The following KCNIP4 variants were observed in gnomAD, a reference collection of about 807,000 sequenced individuals.
KCNIP4 encodes potassium voltage-gated channel interacting protein 4.
Under a neutral mutation model 34.0 loss-of-function variants are expected in KCNIP4, and 12 were observed. That is an observed-to-expected ratio of 0.35 (90% CI 0.23 to 0.57). The LOEUF is 0.57. Ranked by LOEUF, KCNIP4 falls within the 20% of genes least tolerant of loss-of-function variation. The probability of loss-of-function intolerance (pLI) is 0.83; values close to 1 mark genes in which losing one functional copy is unlikely to be tolerated. For synonymous variants in KCNIP4, 124 were observed against 102.2 expected (o/e 1.21, Z -1.29); for missense variants, 238 against 311.7 (o/e 0.76, Z 1.78).
At chr4:21,304,013 GGGA>G (rs1285974236) in intron 1 of KCNIP4, 115 of 1,239,376 alleles carry the variant, frequency 9.3e-5, no homozygotes, top group Non-Finnish European at 1.1e-4. Flanking sequence ...CTGGAGAAAG[GGGA>G]GGAGGAGAGC....
At chr4:21,329,723 A>C (rs115234367) in intron 1 of KCNIP4, among the ~76,000 whole-genome samples, 2,326 of 152,292 alleles carry the variant, frequency 0.015, 36 homozygotes, top group South Asian at 0.048. Flanking sequence ...CCCAGGCCAA[A>C]AAGAAAGAGC....
At chr4:21,445,590 G>T (rs909430365) in intron 1 of KCNIP4, among the ~76,000 whole-genome samples, 14 of 152,182 alleles carry the variant, frequency 9.2e-5, no homozygotes, top group African/African-American at 3.4e-4. Context: ...GCTGAAACTG[G>T]ATCCCTTCCT....
intron 1 of KCNIP4, among the ~76,000 whole-genome samples, chr4:21,792,318 G>A (rs1291264394): frequency 6.6e-6 from 1 of 152,006 alleles, no homozygotes; most frequent in African/African-American, 2.4e-5. Flanking sequence ...TTGAGACATG[G>A]TCAGTCATGA....
At chr4:21,186,429 G>T (rs1403457559) in intron 1 of KCNIP4, among the ~76,000 whole-genome samples, 2 of 152,148 alleles carry the variant, frequency 1.3e-5, no homozygotes, top group African/African-American at 4.8e-5. Context: ...GAAAGTCGAA[G>T]TAGGGATGGA....
intron 5 of KCNIP4, among the ~76,000 whole-genome samples, chr4:20,748,806 A>C (rs548253734): frequency 6.7e-6 from 1 of 149,764 alleles, no homozygotes; most frequent in Non-Finnish European, 1.5e-5. Flanking sequence ...TTATTCTCCT[A>C]ATGTTTAAAT....
chr4:21,864,436 G>C (rs1725297292), intron 1 of KCNIP4, among the ~76,000 whole-genome samples: 1 of 152,184 alleles, frequency 6.6e-6, no homozygotes, highest in African/African-American at 2.4e-5. Flanking sequence ...TGTGCTTTAA[G>C]AAAACTGGAT....
intron 1 of KCNIP4, among the ~76,000 whole-genome samples, chr4:21,793,276 G>A (rs189003361): frequency 5.1e-4 from 78 of 152,202 alleles, no homozygotes; most frequent in Non-Finnish European, 9.0e-4. Flanking sequence ...TTGAGATGGA[G>A]TCTCGCTCTG....
chr4:21,022,340 T>C (rs943060006), intron 1 of KCNIP4, among the ~76,000 whole-genome samples: 7 of 152,342 alleles, frequency 4.6e-5, no homozygotes, highest in Admixed American at 4.6e-4. Flanking sequence ...GTAAGCATCT[T>C]AAAAACAAAC....
chr4:21,224,578 G>GTC (rs1758223810), intron 1 of KCNIP4, among the ~76,000 whole-genome samples: 1 of 44,880 alleles, frequency 2.2e-5, no homozygotes, highest in African/African-American at 1.0e-4. Flanking sequence ...TTTTTCAACT[G>GTC]TTTTTTTTTT....
At chr4:21,635,736 C>G (rs536131034) in intron 1 of KCNIP4, among the ~76,000 whole-genome samples, 1 of 152,274 alleles carries the variant, frequency 6.6e-6, no homozygotes, top group South Asian at 2.1e-4. Flanking sequence ...TGTGGCGATT[C>G]CTCAGGGATC....
At chr4:21,001,421 T>A (rs1446326046) in intron 1 of KCNIP4, among the ~76,000 whole-genome samples, 1 of 152,170 alleles carries the variant, frequency 6.6e-6, no homozygotes, top group Admixed American at 6.5e-5. Flanking sequence ...AAGCTCTTAA[T>A]GTTTATTTGG....
intron 1 of KCNIP4, among the ~76,000 whole-genome samples, chr4:21,386,465 T>C (rs533423884): frequency 2.2e-4 from 33 of 152,310 alleles, no homozygotes; most frequent in Middle Eastern, 3.4e-3. Context: ...CTCCATATTC[T>C]CTGTATCTCC....
intron 3 of KCNIP4, among the ~76,000 whole-genome samples, chr4:20,793,909 C>T (rs1713105995): frequency 6.6e-6 from 1 of 152,098 alleles, no homozygotes; most frequent in Non-Finnish European, 1.5e-5. Flanking sequence ...GTAACTCCCA[C>T]AATTCCCATG....
chr4:20,835,409 G>C (rs73802358), intron 3 of KCNIP4, among the ~76,000 whole-genome samples: 1 of 151,912 alleles, frequency 6.6e-6, no homozygotes, highest in Non-Finnish European at 1.5e-5. Context: ...CTGTGACCTC[G>C]GAGAGGTCAC....
intron 1 of KCNIP4, among the ~76,000 whole-genome samples, chr4:21,556,919 T>TCAAAAAAAAAAAAAAAAAAA (rs1161300110): frequency 1.4e-4 from 3 of 21,972 alleles, no homozygotes; most frequent in Admixed American, 9.5e-4. Flanking sequence ...AGACTCCATC[T>TCAAAAAAAAAAAAAAAAAAA]CAGAAAAAAA....
At chr4:21,907,591 A>G (rs901692710) in intron 1 of KCNIP4, among the ~76,000 whole-genome samples, 1 of 152,164 alleles carries the variant, frequency 6.6e-6, no homozygotes, top group African/African-American at 2.4e-5. Context: ...AATGAACTTT[A>G]TGGGGAATGT....
At chr4:21,009,191 C>T (rs1738843659) in intron 1 of KCNIP4, among the ~76,000 whole-genome samples, 1 of 152,078 alleles carries the variant, frequency 6.6e-6, no homozygotes, top group Admixed American at 6.6e-5. Flanking sequence ...CATCATAACA[C>T]TAAGCGTGAG....
chr4:20,882,278 T>C (rs1724776058), intron 2 of KCNIP4, among the ~76,000 whole-genome samples: 2 of 152,226 alleles, frequency 1.3e-5, no homozygotes, highest in South Asian at 4.2e-4. Context: ...AGGTCATATG[T>C]TAAAGTGTCC....
At chr4:20,788,272 C>T (rs758416721) in intron 3 of KCNIP4, among the ~76,000 whole-genome samples, 2 of 152,134 alleles carry the variant, frequency 1.3e-5, no homozygotes, top group Non-Finnish European at 2.9e-5. Flanking sequence ...ATATAATCTA[C>T]ATGACAATGA....
Sources: gnomAD v4.1 joint callset for allele counts (sites outside exome capture counted in the v4.1 genomes callset) on GRCh38, gnomAD v4.1.1 for gene constraint, MANE v1.5 for transcripts, NCBI Gene and HGNC (gene_info 2026-07-23, HGNC 2026-07-21) for gene names.